The following GLRA3 variants were observed in gnomAD, a reference collection of about 807,000 sequenced individuals.
GLRA3 encodes glycine receptor subunit alpha-3.
GLRA3 carries 44 observed loss-of-function variants against 60.4 expected under a neutral mutation model. That is an observed-to-expected ratio of 0.73 (90% CI 0.57 to 0.94). The LOEUF is 0.94. Ranked by LOEUF, GLRA3 falls within the 40% of genes least tolerant of loss-of-function variation. The probability of loss-of-function intolerance (pLI) is 0.00; values close to 1 mark genes in which losing one functional copy is unlikely to be tolerated. For missense variants in GLRA3, 508 were observed against 564.6 expected (o/e 0.90, Z 1.02); for synonymous variants, 223 against 192.9 (o/e 1.16, Z -1.29).
intron 1 of GLRA3, among the ~76,000 whole-genome samples, chr4:174,796,771 G>A (rs560225595): frequency 4.0e-4 from 61 of 152,184 alleles, no homozygotes; most frequent in African/African-American, 1.4e-3. Flanking sequence ...TCTTGATTTC[G>A]TGATCCACCC....
At chr4:174,755,356 A>G (rs544203079) in intron 3 of GLRA3, among the ~76,000 whole-genome samples, 5 of 152,286 alleles carry the variant, frequency 3.3e-5, no homozygotes, top group South Asian at 2.1e-4. Flanking sequence ...AAAATTTTAA[A>G]TAAATATTCA....
intron 5 of GLRA3, among the ~76,000 whole-genome samples, chr4:174,704,936 G>T (rs1735461094): frequency 7.0e-6 from 1 of 143,136 alleles, no homozygotes; most frequent in Non-Finnish European, 1.5e-5. Context: ...GTGGCAAGAG[G>T]AAGGGGGAAA....
At chr4:174,779,220 G>GCC (rs2111271527) in intron 2 of GLRA3, among the ~76,000 whole-genome samples, 1 of 152,266 alleles carries the variant, frequency 6.6e-6, no homozygotes, top group African/African-American at 2.4e-5. Context: ...ACCTCACACG[G>GCC]CAGGGTACTC....
Position 174,680,873 on chromosome 4 carries a change from ATTG to A in GLRA3, c.712+1926_712+1928del, listed in dbSNP as rs566601120. 1.9e-3 allele frequency among the ~76,000 whole-genome samples: 289 copies of A among 152,272 alleles called. 1 individual carries two copies. Among genetic ancestry groups the A allele is most frequent in the African/African-American group, 6.5e-3 (271 of 41,558 alleles). On this transcript the variant is annotated intron_variant, in intron 6 of 9. Transcript: ENST00000274093. Reference sequence around the variant, plus strand: ...AAATGTGGTTCTTAGGTAACCTACTATTGTTGTTTGTTGTATTTTCACAAGCAA... The same window carrying A: ...AAATGTGGTTCTTAGGTAACCTACTATTGTTTGTTGTATTTTCACAAGCAA...
chr4:174,816,961 A>G (rs1740528254), intron 1 of GLRA3, among the ~76,000 whole-genome samples: 1 of 152,026 alleles, frequency 6.6e-6, no homozygotes, highest in South Asian at 2.1e-4. Flanking sequence ...AACTATTTCC[A>G]TATTACTTCT....
At chr4:174,734,301 A>C (rs552771442) in intron 3 of GLRA3, among the ~76,000 whole-genome samples, 4 of 152,332 alleles carry the variant, frequency 2.6e-5, no homozygotes, top group African/African-American at 9.6e-5. Flanking sequence ...GAAGCACAGA[A>C]TACCGACACC....
chr4:174,792,423 T>C lies in GLRA3; in HGVS notation c.72-3480A>G, dbSNP rs143735300. On this transcript the variant is annotated intron_variant, in intron 1 of 9. Coordinates refer to ENST00000274093, the MANE Select transcript of GLRA3 (RefSeq NM_006529.4). ...GGCATATTGGATTAGGGCATATTGT[T>C]TTACATCAATTACCTCTTGGTAAGG... Among the ~76,000 whole-genome samples, 19 of 152,226 alleles carry C rather than the reference T, an allele frequency of 1.2e-4. No individual in the cohort carries two copies. The East Asian group carries it at 3.7e-3, about 29-fold the overall frequency.
chr4:174,666,739 AATATATATATATATATATATTATATAT>A (rs957335501), intron 7 of GLRA3, among the ~76,000 whole-genome samples: 3 of 134,170 alleles, frequency 2.2e-5, no homozygotes, highest in African/African-American at 8.1e-5. Flanking sequence ...CTCAAATAAG[AATATATATATATATATATATTATATAT>A]ATATATATAT....
intron 2 of GLRA3, among the ~76,000 whole-genome samples, chr4:174,782,641 T>G (rs1337355415): frequency 6.6e-6 from 1 of 152,156 alleles, no homozygotes; most frequent in Non-Finnish European, 1.5e-5. Context: ...AATATCAATG[T>G]ACAAAAATCA....
intron 1 of GLRA3, among the ~76,000 whole-genome samples, chr4:174,827,893 T>A (rs1741043378): frequency 5.3e-5 from 8 of 152,112 alleles, no homozygotes; most frequent in Admixed American, 5.2e-4. Flanking sequence ...TTGCAAGCCA[T>A]AAAAATGGAA....
chr4:174,652,701 G>T (rs1414939578), intron 9 of GLRA3, among the ~76,000 whole-genome samples: 1 of 151,978 alleles, frequency 6.6e-6, no homozygotes, highest in Non-Finnish European at 1.5e-5. Flanking sequence ...GTTATAGCTA[G>T]AAATATTAGA....
At chr4:174,734,466 G>A (rs1440861233) in intron 3 of GLRA3, among the ~76,000 whole-genome samples, 1 of 152,150 alleles carries the variant, frequency 6.6e-6, no homozygotes, top group African/African-American at 2.4e-5. Context: ...TCAATTCTCA[G>A]TTACTAAAGC....
At chr4:174,696,835 G>A (rs1735075058) in intron 5 of GLRA3, among the ~76,000 whole-genome samples, 1 of 151,820 alleles carries the variant, frequency 6.6e-6, no homozygotes, top group South Asian at 2.1e-4. Flanking sequence ...AGAGAGAGAG[G>A]GAGAGAAAGT....
chr4:174,652,825 T>A (rs1733071262), intron 9 of GLRA3, among the ~76,000 whole-genome samples: 1 of 152,140 alleles, frequency 6.6e-6, no homozygotes, highest in Admixed American at 6.6e-5. Flanking sequence ...TAATTTTGTA[T>A]CTTCTTCTTA....
intron 3 of GLRA3, among the ~76,000 whole-genome samples, chr4:174,729,927 G>T (rs1361554200): frequency 6.6e-6 from 1 of 152,150 alleles, no homozygotes; most frequent in Non-Finnish European, 1.5e-5. Context: ...CAGGTAGATT[G>T]CTTATGTTAT....
chr4:174,793,658 C>T (rs1280593782), intron 1 of GLRA3, among the ~76,000 whole-genome samples: 1 of 151,974 alleles, frequency 6.6e-6, no homozygotes, highest in Non-Finnish European at 1.5e-5. Context: ...TGCCAAAGCA[C>T]TGGAATTAGA....
At chr4:174,671,760 G>A (rs922948637) in intron 7 of GLRA3, among the ~76,000 whole-genome samples, 1 of 151,964 alleles carries the variant, frequency 6.6e-6, no homozygotes, top group Non-Finnish European at 1.5e-5. Flanking sequence ...AGTGATTCTG[G>A]TGCCTCAGCC....
chr4:174,638,818 A>G lies in GLRA3; in HGVS notation c.*4968T>C, dbSNP rs1444991085. The stretch of plus-strand genomic sequence containing the variant: ...TAGCACTTGGGACAGTGCCAGGCAC[A>G]CATAAGGTACTCAATGAATATTTGT... On this transcript the variant is annotated 3_prime_UTR_variant, in exon 10 of 10. Transcript: ENST00000274093. 1.3e-5 allele frequency: 2 copies of G among 152,236 alleles called. No individual in the cohort carries two copies. The highest frequency in any genetic ancestry group is 4.8e-5 in the African/African-American group (2 of 41,456). The allele number at this position is 152,236 out of a possible 1,614,324, so 9.4% of individuals were successfully genotyped here.
chr4:174,737,662 C>T (rs1736858008), intron 3 of GLRA3, among the ~76,000 whole-genome samples: 1 of 151,996 alleles, frequency 6.6e-6, no homozygotes, highest in South Asian at 2.1e-4. Context: ...TAGGTGCCCA[C>T]CACCATGTCT....
Sources: gnomAD v4.1 joint callset for allele counts (sites outside exome capture counted in the v4.1 genomes callset) on GRCh38, gnomAD v4.1.1 for gene constraint, MANE v1.5 for transcripts, NCBI Gene and HGNC (gene_info 2026-07-23, HGNC 2026-07-21) for gene names.